Variants in GPHN observed in about 807,000 individuals in gnomAD.
GPHN encodes gephyrin.
A neutral mutation model predicts 95.5 loss-of-function variants in GPHN; 17 were observed. That is an observed-to-expected ratio of 0.18 (90% CI 0.12 to 0.27). The LOEUF (loss-of-function observed/expected upper bound fraction) is 0.27, where lower values mean the gene tolerates loss of function less well. GPHN is among the 10% of genes least tolerant of loss of function. The pLI is 1.00. For synonymous variants in GPHN, 320 were observed against 322.5 expected (o/e 0.99, Z 0.08); for missense variants, 660 against 978.1 (o/e 0.67, Z 4.34).
the GPHN span, among the ~76,000 whole-genome samples, chr14:67,705,587 G>A: frequency 6.6e-6 from 1 of 152,198 alleles, no homozygotes; most frequent in Non-Finnish European, 1.5e-5. Flanking sequence ...ACATTAGTGA[G>A]AAAACTGGTG....
chr14:67,076,672 T>A (rs2076506684), intron 11 of GPHN, among the ~76,000 whole-genome samples: 1 of 152,190 alleles, frequency 6.6e-6, no homozygotes, highest in Non-Finnish European at 1.5e-5. Context: ...TCACATAGAT[T>A]ATGTATAATG....
intron 3 of GPHN, among the ~76,000 whole-genome samples, chr14:66,792,390 G>T (rs2060002454): frequency 6.6e-6 from 1 of 151,882 alleles, no homozygotes; most frequent in Non-Finnish European, 1.5e-5. Context: ...GTGCACAACT[G>T]TAGTTCTAGC....
the GPHN span, among the ~76,000 whole-genome samples, chr14:67,530,556 G>A: frequency 6.6e-6 from 1 of 152,214 alleles, no homozygotes; most frequent in Non-Finnish European, 1.5e-5. Flanking sequence ...TGGTTAGTTA[G>A]CATCTGAAGT....
chr14:67,392,904 T>C, the GPHN span: 1 of 1,448,796 alleles, frequency 6.9e-7, no homozygotes, highest in Non-Finnish European at 9.4e-7. Flanking sequence ...GTCCTTGGGG[T>C]GTGTGGCCAA....
At chr14:67,364,561 T>G in the GPHN span, 3 of 499,246 alleles carry the variant, frequency 6.0e-6, no homozygotes, top group African/African-American at 3.9e-5. Context: ...ATTACAAAAA[T>G]GTTGAGCAAA....
intron 1 of GPHN, among the ~76,000 whole-genome samples, chr14:66,621,904 G>A (rs765265720): frequency 5.3e-5 from 8 of 152,136 alleles, no homozygotes; most frequent in Non-Finnish European, 1.2e-4. Context: ...GCTTTTCCAG[G>A]CACACAGTGC....
In GPHN at chr14:67,181,454, C is replaced by T; in HGVS notation, c.*517C>T. On this transcript the variant is annotated 3_prime_UTR_variant, in exon 23 of 23. Transcript: ENST00000478722. ...AAGACTGACTGGGTGGAGGCTCTGC[C>T]TTGCCTCAAGAACCATCCCCTGCAG... is the stretch of plus-strand genomic sequence containing the variant. 1 of 518,732 alleles carries T rather than the reference C, an allele frequency of 1.9e-6. No homozygotes were observed. Among genetic ancestry groups the T allele is most frequent in the Non-Finnish European group, 3.8e-6 (1 of 266,228 alleles). 32.1% of individuals were successfully genotyped at this position (518,732 alleles called of 1,614,324 possible). A position where few individuals can be genotyped will look rare whatever the true frequency, so the allele number is the denominator to read the frequency against.
At chr14:66,707,768 G>A (rs1486427286) in intron 2 of GPHN, among the ~76,000 whole-genome samples, 1 of 139,732 alleles carries the variant, frequency 7.2e-6, no homozygotes, top group Non-Finnish European at 1.5e-5. Flanking sequence ...GTTCTGTATA[G>A]GTATCCTAGA....
chr14:67,444,950 G>C, the GPHN span, among the ~76,000 whole-genome samples: 2 of 152,056 alleles, frequency 1.3e-5, no homozygotes, highest in African/African-American at 4.8e-5. Flanking sequence ...AGTAGAGATG[G>C]GGATTCCACC....
the GPHN span, among the ~76,000 whole-genome samples, chr14:67,716,159 T>G: frequency 6.7e-6 from 1 of 148,712 alleles, no homozygotes; most frequent in East Asian, 2.0e-4. Context: ...ATCACGCCAC[T>G]GCACTCCAGC....
At chr14:67,489,767 G>T in the GPHN span, among the ~76,000 whole-genome samples, 5 of 152,326 alleles carry the variant, frequency 3.3e-5, no homozygotes, top group South Asian at 1.0e-3. Flanking sequence ...GAGGCGGGCG[G>T]ATCACGAGGT....
chr14:67,174,609 C>T (rs902221780), intron 21 of GPHN, among the ~76,000 whole-genome samples: 2 of 152,132 alleles, frequency 1.3e-5, no homozygotes, highest in Non-Finnish European at 2.9e-5. Context: ...AATGGGATGG[C>T]TGGGTCAAAT....
chr14:67,445,981 C>G, the GPHN span: 6 of 489,400 alleles, frequency 1.2e-5, no homozygotes, highest in Non-Finnish European at 2.4e-5. Context: ...CTGTAAGAAA[C>G]AGTTCAAAAA....
the GPHN span, among the ~76,000 whole-genome samples, chr14:67,212,631 A>AT: frequency 6.8e-6 from 1 of 146,146 alleles, no homozygotes; most frequent in African/African-American, 2.5e-5. Flanking sequence ...TATATTATAT[A>AT]TAATATATAT....
intron 2 of GPHN, among the ~76,000 whole-genome samples, chr14:66,772,002 A>G (rs926903677): frequency 5.9e-5 from 9 of 152,138 alleles, no homozygotes; most frequent in African/African-American, 2.2e-4. Context: ...TATAGAAATA[A>G]CTATTACAAC....
At chr14:66,617,430 T>C (rs1438020003) in intron 1 of GPHN, among the ~76,000 whole-genome samples, 1 of 152,190 alleles carries the variant, frequency 6.6e-6, no homozygotes, top group Non-Finnish European at 1.5e-5. Context: ...GAATGCTCAC[T>C]CACTGCCTCC....
chr14:67,111,804 C>T (rs1256268011), intron 14 of GPHN, 57 bp from the exon 15 acceptor site: 21 of 1,342,300 alleles, frequency 1.6e-5, no homozygotes, highest in African/African-American at 2.9e-5. Context: ...ATCGGAGTAA[C>T]TAAATTCTAC....
the GPHN span, among the ~76,000 whole-genome samples, chr14:67,661,953 G>A: frequency 5.9e-5 from 9 of 151,914 alleles, no homozygotes; most frequent in African/African-American, 1.7e-4. Context: ...TCAGGAGATC[G>A]AGACCATCCT....
chr14:67,388,785 T>G, the GPHN span, among the ~76,000 whole-genome samples: 1 of 152,116 alleles, frequency 6.6e-6, no homozygotes, highest in African/African-American at 2.4e-5. Flanking sequence ...GTTCAAGCGA[T>G]TCTCCTGCCT....
Sources: allele counts gnomAD v4.1 joint callset (sites outside exome capture counted in the v4.1 genomes callset), GRCh38; gene constraint gnomAD v4.1.1; transcripts MANE v1.5; gene names NCBI Gene and HGNC (gene_info 2026-07-23, HGNC 2026-07-21).